Variants in GAS6 observed in about 807,000 individuals in gnomAD.
GAS6 encodes growth arrest-specific protein 6.
Under a neutral mutation model 75.8 loss-of-function variants are expected in GAS6, and 41 were observed. The observed-to-expected ratio is 0.54, with a 90% CI of 0.42 to 0.70. GAS6 has a LOEUF of 0.70. Ranked by LOEUF, GAS6 falls within the 30% of genes least tolerant of loss-of-function variation. The pLI is 0.00. For synonymous variants in GAS6, 432 were observed against 412.6 expected (o/e 1.05, Z -0.57); for missense variants, 854 against 940.2 (o/e 0.91, Z 1.20).
Position 113,848,092 on chromosome 13 carries a change from A to G in GAS6, c.256-42T>C, listed in dbSNP as rs2051847703. On this transcript the variant is annotated intron_variant, in intron 2 of 14. Transcript: ENST00000327773. The surrounding 1 kb of genome is among the most constrained non-coding windows in gnomAD (Gnocchi z 4.8). ...AGAAAAGGCAAGCATTGACCGGCAC[A>G]CTACGAGGGTCTCTGAACAACATAA... The G allele has an allele frequency of 7.5e-6, 12 of 1,604,246 alleles. No individual in the cohort carries two copies. Among genetic ancestry groups the G allele is most frequent in the Admixed American group, 3.4e-5 (2 of 58,360 alleles).
intron 2 of GAS6, among the ~76,000 whole-genome samples, chr13:113,849,799 G>C (rs1285064827): frequency 6.6e-6 from 1 of 152,228 alleles, no homozygotes; most frequent in African/African-American, 2.4e-5. Context: ...CAGGGTTATA[G>C]CCCTGGGCAC....
At chr13:113,851,204 T>C (rs1440443015) in intron 2 of GAS6, among the ~76,000 whole-genome samples, 1 of 151,646 alleles carries the variant, frequency 6.6e-6, no homozygotes, top group African/African-American at 2.4e-5. Flanking sequence ...AATGCGTAGA[T>C]AGATGGGTGA....
intron 2 of GAS6, among the ~76,000 whole-genome samples, chr13:113,860,115 T>C (rs552002328): frequency 6.6e-6 from 1 of 151,864 alleles, no homozygotes; most frequent in East Asian, 1.9e-4. Flanking sequence ...CCACCAGCAG[T>C]GGGGAGAAGA....
chr13:113,827,560 C>T (rs2051566386), intron 11 of GAS6, among the ~76,000 whole-genome samples: 3 of 149,754 alleles, frequency 2.0e-5, no homozygotes, highest in African/African-American at 7.7e-5. Flanking sequence ...CAGGCAAAGT[C>T]CCGGCACCAG....
intron 2 of GAS6, among the ~76,000 whole-genome samples, chr13:113,862,247 C>A (rs561949507): frequency 1.9e-4 from 29 of 152,250 alleles, no homozygotes; most frequent in South Asian, 4.1e-4. Flanking sequence ...CAGGGCTGCG[C>A]GGAGCGGGTA....
intron 4 of GAS6, chr13:113,840,941 G>C (rs538269774): frequency 6.6e-6 from 1 of 152,320 alleles, no homozygotes; most frequent in South Asian, 2.1e-4. Flanking sequence ...AGTGCAGGCC[G>C]GGCCAGCAGG....
At chr13:113,855,449 T>C (rs545321523) in intron 2 of GAS6, among the ~76,000 whole-genome samples, 35 of 152,314 alleles carry the variant, frequency 2.3e-4, no homozygotes, top group African/African-American at 7.7e-4. Context: ...GCAAAGTTCA[T>C]GTGTGTTCCC....
Position 113,826,310 on chromosome 13 carries a change from GC to G in GAS6, c.1477+685del. Reference sequence around the variant, plus strand: ...ACCATGTTACCGAGAGCTTCTCTGTGCCCCTGGACGAGTCCTAAGGCTGTGC... The same window carrying G: ...ACCATGTTACCGAGAGCTTCTCTGTGCCCTGGACGAGTCCTAAGGCTGTGC... On this transcript the variant is annotated intron_variant, in intron 12 of 14. Coordinates refer to ENST00000327773, the MANE Select transcript of GAS6 (RefSeq NM_000820.4). Among the ~76,000 whole-genome samples, 4 of 152,326 alleles carry G rather than the reference GC, an allele frequency of 2.6e-5. No individual in the cohort carries two copies. The South Asian group carries it at 8.3e-4, about 32-fold the overall frequency.
chr13:113,843,889 C>G (rs1358720080), intron 4 of GAS6: 1 of 151,216 alleles, frequency 6.6e-6, no homozygotes, highest in Non-Finnish European at 1.5e-5. Flanking sequence ...AGAGAATTTT[C>G]ACGAGGGAAC....
At chr13:113,841,538 C>A in intron 4 of GAS6, 1 of 152,942 alleles carries the variant, frequency 6.5e-6, no homozygotes. Context: ...CCAGTTTCCT[C>A]CATACGCCCC....
chr13:113,862,624 T>G (rs1367287749), intron 2 of GAS6, among the ~76,000 whole-genome samples: 1 of 152,172 alleles, frequency 6.6e-6, no homozygotes, highest in Non-Finnish European at 1.5e-5. Context: ...AAGTGCACAG[T>G]GGCCATCTGA....
rs1032604843 is a variant in GAS6 at position 113,832,182 on chromosome 13, C to T, written c.1143+117G>A. ...GGCAGGGGTCCCCGTCCTGCCGGCA[C>T]GCAGCAGATGCAGGCCCCAGAGCTC... On this transcript the variant is annotated intron_variant, in intron 10 of 14. Coordinates refer to ENST00000327773, the MANE Select transcript of GAS6 (RefSeq NM_000820.4). 92 of 1,183,586 alleles carry T rather than the reference C, an allele frequency of 7.8e-5. No homozygotes were observed. In the African/African-American group the frequency reaches 9.4e-4, roughly 12 times the overall value. The allele number at this position is 1,183,586 out of a possible 1,614,324, so 73.3% of individuals were successfully genotyped here.
At chr13:113,833,928 C>T (rs1013291702) in intron 8 of GAS6, among the ~76,000 whole-genome samples, 6 of 148,006 alleles carry the variant, frequency 4.1e-5, no homozygotes, top group Non-Finnish European at 7.4e-5. Flanking sequence ...GTGACAGGCA[C>T]CAGTGTGACA....
intron 4 of GAS6, among the ~76,000 whole-genome samples, chr13:113,846,236 C>A (rs1330825596): frequency 6.6e-6 from 1 of 152,244 alleles, no homozygotes; most frequent in Non-Finnish European, 1.5e-5. Context: ...ATTCTTGGAA[C>A]TGTAACTACG....
In GAS6 at chr13:113,828,589, G is replaced by C. The variant is rs374659031; in HGVS notation, c.1266C>G (p.Thr422=). 2 of 1,613,400 alleles carry C rather than the reference G, an allele frequency of 1.2e-6. No homozygotes were observed. Among genetic ancestry groups the C allele is most frequent in the East Asian group, 2.2e-5 (1 of 44,892 alleles). The change falls in exon 11 of 15, where the codon ACC becomes ACG. Residue 422 remains threonine (T), a synonymous_variant. Transcript: ENST00000327773. ...PERGLYHLNL[T]VGGIPFHEKD... ...TCTCATGGAAGGGAATACCTCCCACGGTCAGGTTCAGATGATACAGTCCTC... is the reference window on the plus strand; with the variant it reads ...TCTCATGGAAGGGAATACCTCCCACCGTCAGGTTCAGATGATACAGTCCTC...
In GAS6 at chr13:113,856,473, T is replaced by C. The variant is rs147420482; in HGVS notation, c.255+7102A>G. ...CATGAGGATGTAACAACTTCACACATGGAGACCCCGAGAACAGCACTCTCA... is the reference window on the plus strand; with the variant it reads ...CATGAGGATGTAACAACTTCACACACGGAGACCCCGAGAACAGCACTCTCA... On this transcript the variant is annotated intron_variant, in intron 2 of 14. Transcript: ENST00000327773. Among the ~76,000 whole-genome samples, 499 of 152,154 alleles carry C rather than the reference T, an allele frequency of 3.3e-3. 1 individual carries two copies. Among genetic ancestry groups the C allele is most frequent in the African/African-American group, 0.011 (463 of 41,498 alleles).
At chr13:113,834,091 CAGGT>C (rs987564859) in intron 8 of GAS6, among the ~76,000 whole-genome samples, 5 of 146,332 alleles carry the variant, frequency 3.4e-5, no homozygotes, top group Non-Finnish European at 7.4e-5. Context: ...ACCAGTGTGA[CAGGT>C]AGGTCATGCT....
chr13:113,864,004 G>A lies in GAS6; in HGVS notation c.-84C>T. 9.8e-7 allele frequency: 1 copy of A among 1,020,064 alleles called. No homozygotes were observed. 63.2% of individuals were successfully genotyped at this position (1,020,064 alleles called of 1,614,324 possible). On this transcript the variant is annotated 5_prime_UTR_variant, in exon 1 of 15. The change creates a new upstream start codon in the 5' untranslated region. Transcript: ENST00000327773. ...GCGGGGCGGAGGCTCCGGTCATCCC[G>A]TCCTGGCGGCCCTGAAGGTCACATC...
At chr13:113,842,656 C>G (rs868089915) in intron 4 of GAS6, 28 of 397,136 alleles carry the variant, frequency 7.1e-5, no homozygotes, top group Non-Finnish European at 1.1e-4. Context: ...GAGTCAGACA[C>G]GTGCAGGGCA....
Sources: allele counts gnomAD v4.1 joint callset (sites outside exome capture counted in the v4.1 genomes callset), GRCh38; gene constraint gnomAD v4.1.1; non-coding constraint Gnocchi (gnomAD v3.1); transcripts MANE v1.5; gene names NCBI Gene and HGNC (gene_info 2026-07-23, HGNC 2026-07-21).